SNTG1: variants seen among roughly 807,000 people sequenced by gnomAD.
The protein encoded by SNTG1 is syntrophin gamma 1.
A neutral mutation model predicts 74.7 loss-of-function variants in SNTG1; 39 were observed. The observed-to-expected ratio is 0.52, with a 90% confidence interval of 0.40 to 0.68. SNTG1 has a LOEUF of 0.68. Ranked by LOEUF, SNTG1 falls within the 30% of genes least tolerant of loss-of-function variation. SNTG1 has a pLI of 0.00. For missense variants in SNTG1, 685 were observed against 609.5 expected, an observed-to-expected ratio of 1.12 and a Z score of -1.30; for synonymous variants, 254 against 217.1, an observed-to-expected ratio of 1.17 and a Z score of -1.49.
chr8:49,995,881 C>T (rs1814163292), intron 1 of SNTG1, among the ~76,000 whole-genome samples: 1 of 152,126 alleles, frequency 6.6e-6, no homozygotes, highest in South Asian at 2.1e-4. Context: ...CTCTTATGCC[C>T]TAAAGTTTTT....
chr8:50,300,650 T>C (rs1387590035), intron 2 of SNTG1, among the ~76,000 whole-genome samples: 4 of 152,156 alleles, frequency 2.6e-5, no homozygotes, highest in African/African-American at 7.2e-5. Context: ...AAAAAAATTC[T>C]GATATAATTT....
chr8:50,039,222 G>A (rs1280944544), intron 1 of SNTG1, among the ~76,000 whole-genome samples: 1 of 152,024 alleles, frequency 6.6e-6, no homozygotes, highest in African/African-American at 2.4e-5. Flanking sequence ...TTAGGAGGCC[G>A]AGGAGGGCAG....
intron 8 of SNTG1, among the ~76,000 whole-genome samples, chr8:50,475,024 C>A (rs918694572): frequency 1.5e-5 from 2 of 130,902 alleles, no homozygotes; most frequent in African/African-American, 6.0e-5. Context: ...GGGAATTGAA[C>A]AATGAGAACA....
At chr8:49,995,742 C>T (rs578000953) in intron 1 of SNTG1, among the ~76,000 whole-genome samples, 3 of 152,316 alleles carry the variant, frequency 2.0e-5, no homozygotes, top group Admixed American at 6.5e-5. Context: ...ACACCCTCTG[C>T]GGTGTCTGTG....
At chr8:50,325,019 G>C (rs1159107058) in intron 2 of SNTG1, among the ~76,000 whole-genome samples, 6 of 142,436 alleles carry the variant, frequency 4.2e-5, no homozygotes, top group East Asian at 2.1e-4. Context: ...CACACACACA[G>C]ACACAGATAG....
intron 14 of SNTG1, among the ~76,000 whole-genome samples, chr8:50,658,247 AC>A (rs33967241): frequency 0.21 from 31,803 of 151,054 alleles, 3,651 homozygotes; most frequent in African/African-American, 0.3. Flanking sequence ...TCTGTATTTA[AC>A]TAGTGGTAAA....
chr8:50,259,509 AAAGAAAGAAAGAAAGAAAG>A (rs1356664731), intron 2 of SNTG1, among the ~76,000 whole-genome samples: 199 of 10,976 alleles, frequency 0.018, 29 homozygotes, highest in African/African-American at 0.023. Context: ...AAAAAAAAAA[AAAGAAAGAAAGAAAGAAAG>A]AAAGAAAGAA....
At chr8:50,780,629 C>T (rs984386405) in intron 18 of SNTG1, among the ~76,000 whole-genome samples, 3 of 151,932 alleles carry the variant, frequency 2.0e-5, no homozygotes, top group African/African-American at 4.8e-5. Context: ...GGTCTATCAA[C>T]TTTGTTGATC....
intron 2 of SNTG1, among the ~76,000 whole-genome samples, chr8:50,250,101 G>A (rs907836509): frequency 9.9e-5 from 15 of 151,444 alleles, no homozygotes; most frequent in African/African-American, 2.4e-4. Context: ...TGATATGAAC[G>A]AAAAATGTAA....
intron 3 of SNTG1, among the ~76,000 whole-genome samples, chr8:50,396,309 G>A (rs2092728115): frequency 6.6e-6 from 1 of 152,032 alleles, no homozygotes; most frequent in Admixed American, 6.6e-5. Flanking sequence ...TCAATTTTGG[G>A]GTAAATATTT....
Position 50,226,485 on chromosome 8 carries a change from T to C in SNTG1, c.-28+53850T>C, listed in dbSNP as rs141437780. Among the ~76,000 whole-genome samples the C allele has an allele frequency of 5.9e-5, 9 of 152,284 alleles. No individual in the cohort carries two copies. In the East Asian group the frequency reaches 1.7e-3, roughly 29 times the overall value. On this transcript the variant is annotated intron_variant, in intron 2 of 18. Coordinates refer to ENST00000642720, the MANE Select transcript of SNTG1 (RefSeq NM_018967.5). ...GTCTAGAAACTTTTAAAGATCTGAA[T>C]AGGAAACATTTGCCATCTGTTGTCT...
chr8:50,557,774 G>T (rs1444936496), intron 12 of SNTG1, among the ~76,000 whole-genome samples: 2 of 152,150 alleles, frequency 1.3e-5, no homozygotes, highest in African/African-American at 4.8e-5. Context: ...AGCATTTTTG[G>T]CCTACCACAA....
chr8:50,187,942 G>A (rs2083441644), intron 2 of SNTG1, among the ~76,000 whole-genome samples: 1 of 152,114 alleles, frequency 6.6e-6, no homozygotes, highest in African/African-American at 2.4e-5. Context: ...AATCAGCCCA[G>A]GTGAGTGGAA....
At chr8:50,128,230 T>G (rs2081207310) in intron 1 of SNTG1, among the ~76,000 whole-genome samples, 1 of 152,150 alleles carries the variant, frequency 6.6e-6, no homozygotes, top group Non-Finnish European at 1.5e-5. Flanking sequence ...CCTCCATTAC[T>G]GATGGTGAAC....
At chr8:50,361,649 C>G (rs1251061764) in intron 2 of SNTG1, among the ~76,000 whole-genome samples, 1 of 152,050 alleles carries the variant, frequency 6.6e-6, no homozygotes, top group Non-Finnish European at 1.5e-5. Context: ...TCTGCTAAAC[C>G]CTTCATTGTG....
Position 50,292,465 on chromosome 8 carries a change from T to A in SNTG1, c.-27-101747T>A, listed in dbSNP as rs980586201. 7.2e-5 allele frequency among the ~76,000 whole-genome samples: 11 copies of A among 152,210 alleles called. No individual in the cohort carries two copies. The South Asian group carries it at 8.3e-4, about 11-fold the overall frequency. ...TACTGACATATTCAGTTATTTTTTT[T>A]AAATCTCTCTGATTGAAGTGTGAAG... is the stretch of plus-strand genomic sequence containing the variant. On this transcript the variant is annotated intron_variant, in intron 2 of 18. Coordinates refer to ENST00000642720, the MANE Select transcript of SNTG1 (RefSeq NM_018967.5).
intron 1 of SNTG1, among the ~76,000 whole-genome samples, chr8:50,003,604 G>A (rs543368011): frequency 2.6e-5 from 4 of 152,216 alleles, no homozygotes; most frequent in Admixed American, 1.3e-4. Context: ...ATTACAGTGC[G>A]AAATTTACTT....
chr8:50,071,120 T>C (rs1821324504), intron 1 of SNTG1, among the ~76,000 whole-genome samples: 3 of 152,150 alleles, frequency 2.0e-5, no homozygotes, highest in African/African-American at 7.2e-5. Flanking sequence ...ATTGGTCAGA[T>C]TCAAGTGGAG....
At chr8:50,510,787 C>A (rs969484326) in intron 9 of SNTG1, among the ~76,000 whole-genome samples, 11 of 151,964 alleles carry the variant, frequency 7.2e-5, no homozygotes, top group Admixed American at 2.0e-4. Context: ...TGTATTGCAT[C>A]TATTTGATTC....
Sources: allele counts gnomAD v4.1 joint callset (sites outside exome capture counted in the v4.1 genomes callset), GRCh38; gene constraint gnomAD v4.1.1; transcripts MANE v1.5; gene names NCBI Gene and HGNC (gene_info 2026-07-23, HGNC 2026-07-21).